SLC10A1: variants seen among roughly 807,000 people sequenced by gnomAD.
SLC10A1 encodes solute carrier family 10 member 1.
In SLC10A1, 36 loss-of-function variants were observed where a neutral mutation model predicts 20.5. That is an observed-to-expected ratio of 1.75 (90% CI 1.34 to 2.32). SLC10A1 has a LOEUF of 2.32. Ranked by LOEUF, SLC10A1 falls within the 30% of genes most tolerant of loss-of-function variation. SLC10A1 has a pLI of 0.00. For synonymous variants in SLC10A1, 188 were observed against 163.6 expected, an observed-to-expected ratio of 1.15 and a Z score of -1.14; for missense variants, 545 against 439.1, an observed-to-expected ratio of 1.24 and a Z score of -2.16.
intron 1 of SLC10A1, among the ~76,000 whole-genome samples, chr14:69,788,472 C>G (rs1410238333): frequency 6.6e-6 from 1 of 150,950 alleles, no homozygotes; most frequent in Non-Finnish European, 1.5e-5. Context: ...GAAAAGCCAA[C>G]AAGAGAATGG....
At chr14:69,789,631 C>G (rs1305460862) in intron 1 of SLC10A1, among the ~76,000 whole-genome samples, 1 of 152,008 alleles carries the variant, frequency 6.6e-6, no homozygotes, top group Non-Finnish European at 1.5e-5. Context: ...GGTTCACAGG[C>G]TTGGAATTAT....
At chr14:69,782,807 C>CG (rs1315530903) in intron 2 of SLC10A1, among the ~76,000 whole-genome samples, 2 of 113,166 alleles carry the variant, frequency 1.8e-5, no homozygotes, top group Non-Finnish European at 1.8e-5. Context: ...GACTCCGTCT[C>CG]GAAAAAAAAA....
At position 69,776,432 on chromosome 14, in the gene SLC10A1, G is replaced by C. The variant is rs199688922; in HGVS notation, c.944-44C>G. ...TTACAGGTGTAGAGAGAGAACAAGA[G>C]GAGTGAACAATGAAGCTTGTTTAAT... On this transcript the variant is annotated intron_variant, in intron 4 of 4. Transcript: ENST00000216540. 2.6e-4 allele frequency: 381 copies of C among 1,458,574 alleles called. 1 individual carries two copies. Among genetic ancestry groups the C allele is most frequent in the Middle Eastern group, 1.1e-3 (6 of 5,596 alleles). 90.4% of individuals were successfully genotyped at this position (1,458,574 alleles called of 1,614,324 possible).
chr14:69,797,222 G>T lies in SLC10A1; in HGVS notation c.-67C>A, dbSNP rs201779963. On this transcript the variant is annotated 5_prime_UTR_variant, in exon 1 of 5. Coordinates refer to ENST00000216540, the MANE Select transcript of SLC10A1 (RefSeq NM_003049.4). ...TGACTCCGTTTCTTGTGCAGTTCTTGCTGGATGCCTTCTTTAATCACCTCT... is the reference window on the plus strand; with the variant it reads ...TGACTCCGTTTCTTGTGCAGTTCTTTCTGGATGCCTTCTTTAATCACCTCT... The T allele has an allele frequency of 2.4e-5, 33 of 1,348,340 alleles. 1 individual carries two copies. Among genetic ancestry groups the T allele is most frequent in the South Asian group, 1.2e-4 (9 of 73,986 alleles). The allele number at this position is 1,348,340 out of a possible 1,614,324, so 83.5% of individuals were successfully genotyped here. A position where few individuals can be genotyped will look rare whatever the true frequency, so the allele number is the denominator to read the frequency against.
chr14:69,785,083 A>ACAGGAGGT (rs1447501493), intron 2 of SLC10A1, among the ~76,000 whole-genome samples: 1 of 152,142 alleles, frequency 6.6e-6, no homozygotes, highest in South Asian at 2.1e-4. Flanking sequence ...CAGAGATGGT[A>ACAGGAGGT]CAGGAGGTCA....
chr14:69,790,044 T>A (rs1170188798), intron 1 of SLC10A1, among the ~76,000 whole-genome samples: 1 of 150,564 alleles, frequency 6.6e-6, no homozygotes, highest in Non-Finnish European at 1.5e-5. Flanking sequence ...ACAGAGAAAA[T>A]GAAGATTTTA....
chr14:69,793,862 C>T (rs1040087079), intron 1 of SLC10A1, among the ~76,000 whole-genome samples: 29 of 152,350 alleles, frequency 1.9e-4, no homozygotes, highest in African/African-American at 5.8e-4. Flanking sequence ...GGCGTTTTCT[C>T]TTGCCTGTTT....
intron 2 of SLC10A1, among the ~76,000 whole-genome samples, chr14:69,783,979 A>T (rs1883656334): frequency 6.6e-6 from 1 of 152,176 alleles, no homozygotes. Flanking sequence ...TGAGTTTTAA[A>T]TGTCTGAGGT....
rs541613204 is a variant in SLC10A1, at chr14:69,786,423, C to G, written c.357-116G>C. The G allele has an allele frequency of 2.7e-3, 2,050 of 752,636 alleles. 12 individuals are homozygous for G. The highest frequency in any genetic ancestry group is 4.0e-3 in the Non-Finnish European group (1,778 of 439,088). 46.6% of individuals were successfully genotyped at this position (752,636 alleles called of 1,614,324 possible). A position where few individuals can be genotyped will look rare whatever the true frequency, so the allele number is the denominator to read the frequency against. ...TGCTTGACATATGTGGCTTCAGTTCCTTTTCCCCATAACATTAGGCAGTAA... is the reference window on the plus strand; with the variant it reads ...TGCTTGACATATGTGGCTTCAGTTCGTTTTCCCCATAACATTAGGCAGTAA... On this transcript the variant is annotated intron_variant, in intron 1 of 4. Transcript: ENST00000216540.
chr14:69,781,043 TATG>T (rs1274832518), intron 2 of SLC10A1, among the ~76,000 whole-genome samples: 1 of 152,174 alleles, frequency 6.6e-6, no homozygotes, highest in Non-Finnish European at 1.5e-5. Context: ...CATAATTTGA[TATG>T]ATCCTGGTGG....
chr14:69,778,972 C>T (rs934491910), intron 3 of SLC10A1, among the ~76,000 whole-genome samples: 1 of 152,006 alleles, frequency 6.6e-6, no homozygotes, highest in Non-Finnish European at 1.5e-5. Flanking sequence ...CAAAACTAGC[C>T]TGGGCAACAT....
intron 3 of SLC10A1, 57 bp downstream of exon 3, chr14:69,779,125 C>G: frequency 7.6e-7 from 1 of 1,322,982 alleles, no homozygotes; most frequent in East Asian, 2.5e-5. Context: ...TGTGCTACTC[C>G]CCTCCAGCCT....
intron 1 of SLC10A1, among the ~76,000 whole-genome samples, chr14:69,791,923 G>GTAAT (rs990822832): frequency 1.3e-5 from 2 of 151,984 alleles, no homozygotes; most frequent in African/African-American, 4.8e-5. Context: ...AAAATACAGG[G>GTAAT]TAATATCTTT....
At chr14:69,791,261 G>A (rs182923824) in intron 1 of SLC10A1, among the ~76,000 whole-genome samples, 263 of 151,602 alleles carry the variant, frequency 1.7e-3, no homozygotes, top group Middle Eastern at 3.4e-3. Flanking sequence ...AGGTGATACT[G>A]AAACTCAAGT....
intron 1 of SLC10A1, among the ~76,000 whole-genome samples, chr14:69,787,372 A>G (rs1194792056): frequency 6.6e-6 from 1 of 152,196 alleles, no homozygotes; most frequent in Non-Finnish European, 1.5e-5. Flanking sequence ...ATTTATGGAC[A>G]TTTACATTAA....
intron 1 of SLC10A1, among the ~76,000 whole-genome samples, chr14:69,795,663 T>C (rs1882374062): frequency 6.6e-6 from 1 of 152,172 alleles, no homozygotes; most frequent in Non-Finnish European, 1.5e-5. Flanking sequence ...TCTTCCTGCC[T>C]TGGCCTCCCA....
intron 2 of SLC10A1, among the ~76,000 whole-genome samples, chr14:69,779,831 A>T (rs557854653): frequency 8.3e-6 from 1 of 121,026 alleles, no homozygotes; most frequent in Non-Finnish European, 1.6e-5. Context: ...TGCAAAATGG[A>T]TATTATTTAA....
At chr14:69,788,384 CG>C (rs1883771376) in intron 1 of SLC10A1, among the ~76,000 whole-genome samples, 1 of 151,794 alleles carries the variant, frequency 6.6e-6, no homozygotes, top group Non-Finnish European at 1.5e-5. Flanking sequence ...ATCTAAAGCA[CG>C]AACAGCCAAA....
intron 2 of SLC10A1, among the ~76,000 whole-genome samples, chr14:69,783,161 T>G (rs145687977): frequency 2.7e-3 from 418 of 152,316 alleles, no homozygotes; most frequent in African/African-American, 9.2e-3. Flanking sequence ...GTATGTTGTT[T>G]TTCTGCTGGT....
Sources: allele counts gnomAD v4.1 joint callset (sites outside exome capture counted in the v4.1 genomes callset), GRCh38; gene constraint gnomAD v4.1.1; transcripts MANE v1.5; gene names NCBI Gene and HGNC (gene_info 2026-07-23, HGNC 2026-07-21).